Variants in SGCZ observed in about 807,000 individuals in gnomAD.
SGCZ encodes zeta-sarcoglycan.
SGCZ carries 40 observed loss-of-function variants against 41.3 expected under a neutral mutation model. That is an observed-to-expected ratio of 0.97 (90% CI 0.75 to 1.26). SGCZ has a LOEUF of 1.26. Among genes scored for constraint, SGCZ ranks in the 50% most tolerant of loss-of-function variants. The pLI, the probability that SGCZ is intolerant of heterozygous loss-of-function variation, is 0.00. For synonymous variants in SGCZ, 206 were observed against 137.5 expected (o/e 1.50, Z -3.49); for missense variants, 552 against 369.8 (o/e 1.49, Z -4.04).
intron 1 of SGCZ, among the ~76,000 whole-genome samples, chr8:14,618,989 A>G (rs1806197212): frequency 6.6e-6 from 1 of 152,144 alleles, no homozygotes; most frequent in Non-Finnish European, 1.5e-5. Flanking sequence ...TCTCTTTTAG[A>G]TGTCCAAGTG....
At chr8:14,684,043 T>C (rs1467259648) in intron 1 of SGCZ, among the ~76,000 whole-genome samples, 2 of 152,158 alleles carry the variant, frequency 1.3e-5, no homozygotes, top group Admixed American at 1.3e-4. Context: ...TGGTTTATGG[T>C]ATACAGTCCT....
intron 2 of SGCZ, among the ~76,000 whole-genome samples, chr8:14,421,304 CTTT>C (rs1428744963): frequency 1.3e-5 from 2 of 152,018 alleles, no homozygotes; most frequent in Admixed American, 6.6e-5. Context: ...TCTTCCTTCT[CTTT>C]ATTATATAAA....
At chr8:14,936,827 A>AT (rs1192956983) in intron 1 of SGCZ, among the ~76,000 whole-genome samples, 1 of 151,890 alleles carries the variant, frequency 6.6e-6, no homozygotes, top group Non-Finnish European at 1.5e-5. Flanking sequence ...ACAAATCAAG[A>AT]TAAAAATAAA....
chr8:14,846,315 G>A (rs186124591), intron 1 of SGCZ, among the ~76,000 whole-genome samples: 1 of 151,914 alleles, frequency 6.6e-6, no homozygotes, highest in Non-Finnish European at 1.5e-5. Flanking sequence ...ACATAGAACA[G>A]TTATAACAAA....
intron 1 of SGCZ, among the ~76,000 whole-genome samples, chr8:14,650,031 G>C (rs1807346619): frequency 6.6e-6 from 1 of 152,024 alleles, no homozygotes; most frequent in Admixed American, 6.6e-5. Context: ...AAATTACTGG[G>C]GGAGGAAAAG....
intron 1 of SGCZ, among the ~76,000 whole-genome samples, chr8:14,617,395 G>T (rs528211046): frequency 2.6e-5 from 4 of 152,102 alleles, no homozygotes; most frequent in African/African-American, 9.6e-5. Flanking sequence ...TTATTTTACT[G>T]TTCAAAATTA....
intron 1 of SGCZ, among the ~76,000 whole-genome samples, chr8:15,104,371 C>T (rs62501013): frequency 0.18 from 26,679 of 152,072 alleles, 2,702 homozygotes; most frequent in East Asian, 0.37. Context: ...AAGTCATGCA[C>T]ACACTGGCAC....
At chr8:15,050,348 G>T (rs778158527) in intron 1 of SGCZ, among the ~76,000 whole-genome samples, 4 of 152,138 alleles carry the variant, frequency 2.6e-5, no homozygotes, top group Non-Finnish European at 4.4e-5. Flanking sequence ...CCCTCTCTGT[G>T]AAATTGGGAA....
chr8:14,804,611 C>T (rs1241080642), intron 1 of SGCZ, among the ~76,000 whole-genome samples: 6 of 145,116 alleles, frequency 4.1e-5, no homozygotes, highest in Non-Finnish European at 9.1e-5. Context: ...GATTGGTGTA[C>T]CTGAAAGTGA....
At chr8:14,795,789 C>A (rs937076228) in intron 1 of SGCZ, among the ~76,000 whole-genome samples, 1 of 151,950 alleles carries the variant, frequency 6.6e-6, no homozygotes, top group Non-Finnish European at 1.5e-5. Flanking sequence ...AAGCCTAGTA[C>A]CCATTAGTTA....
intron 1 of SGCZ, among the ~76,000 whole-genome samples, chr8:14,725,332 T>G (rs547881353): frequency 2.0e-5 from 3 of 152,216 alleles, no homozygotes; most frequent in Non-Finnish European, 4.4e-5. Flanking sequence ...TTTATTTTCT[T>G]TCTTTGGATA....
intron 1 of SGCZ, among the ~76,000 whole-genome samples, chr8:14,654,738 ATT>A (rs143183510): frequency 0.19 from 27,697 of 146,268 alleles, 2,717 homozygotes; most frequent in Admixed American, 0.24. Flanking sequence ...TGCCCAGCTA[ATT>A]TTTTTTTTTT....
At chr8:14,390,746 A>G (rs1392317043) in intron 2 of SGCZ, among the ~76,000 whole-genome samples, 1 of 152,058 alleles carries the variant, frequency 6.6e-6, no homozygotes, top group South Asian at 2.1e-4. Flanking sequence ...CTAAGTATGC[A>G]TAATTTTTCA....
intron 5 of SGCZ, among the ~76,000 whole-genome samples, chr8:14,142,967 C>T (rs1041039383): frequency 3.3e-5 from 5 of 149,660 alleles, no homozygotes; most frequent in African/African-American, 9.9e-5. Flanking sequence ...CCTGTGGAAC[C>T]GTGAGCCAAT....
At chr8:14,136,401 G>C (rs959355290) in intron 5 of SGCZ, among the ~76,000 whole-genome samples, 1 of 152,162 alleles carries the variant, frequency 6.6e-6, no homozygotes, top group Non-Finnish European at 1.5e-5. Flanking sequence ...CCTAGCCAAG[G>C]GAAGCAGTGA....
intron 1 of SGCZ, among the ~76,000 whole-genome samples, chr8:15,176,982 C>T (rs1800018258): frequency 6.6e-6 from 1 of 151,924 alleles, no homozygotes; most frequent in African/African-American, 2.4e-5. Context: ...GCCTGGGCAA[C>T]AGAGCGAGAC....
intron 3 of SGCZ, among the ~76,000 whole-genome samples, chr8:14,255,957 C>T (rs574466378): frequency 4.3e-4 from 65 of 152,154 alleles, no homozygotes; most frequent in African/African-American, 1.5e-3. Context: ...AACAAAACTG[C>T]CACATGTTTC....
At chr8:14,775,681 T>C (rs1800381785) in intron 1 of SGCZ, among the ~76,000 whole-genome samples, 1 of 152,242 alleles carries the variant, frequency 6.6e-6, no homozygotes, top group Admixed American at 6.5e-5. Context: ...GGTTTGGATT[T>C]AATTATATGC....
At chr8:14,977,880 TACACACACACACAC>T (rs10562709) in intron 1 of SGCZ, among the ~76,000 whole-genome samples, 9 of 149,530 alleles carry the variant, frequency 6.0e-5, no homozygotes, top group South Asian at 4.2e-4. Context: ...AGAACAATTT[TACACACACACACAC>T]ACACACACAC....
Sources: gnomAD v4.1 joint callset for allele counts (sites outside exome capture counted in the v4.1 genomes callset) on GRCh38, gnomAD v4.1.1 for gene constraint, MANE v1.5 for transcripts, NCBI Gene and HGNC (gene_info 2026-07-23, HGNC 2026-07-21) for gene names.